Variants in KICS2 observed in about 807,000 individuals in gnomAD.
The protein encoded by KICS2 is KICSTOR complex protein C12orf66.
A neutral mutation model predicts 31.4 loss-of-function variants in KICS2; 13 were observed. The ratio of observed to expected loss-of-function variants is 0.41; its 90% CI spans 0.27 to 0.66. KICS2 has a LOEUF of 0.66. Among genes scored for constraint, KICS2 ranks in the 30% least tolerant of loss-of-function variants. KICS2 has a pLI of 0.28. For synonymous variants in KICS2, 209 were observed against 214.8 expected (o/e 0.97, Z 0.24); for missense variants, 455 against 545.4 (o/e 0.83, Z 1.65).
At chr12:64,190,859 G>A (rs904093629), downstream of KICS2, among the ~76,000 whole-genome samples, 1 of 152,090 alleles carries the variant, frequency 6.6e-6, no homozygotes, top group African/African-American at 2.4e-5. Flanking sequence ...GTTAAGAACT[G>A]GGCTTTATTT....
chr12:64,187,667 G>A, downstream of KICS2: 2 of 1,533,914 alleles, frequency 1.3e-6, no homozygotes, highest in East Asian at 2.4e-5. Context: ...TAGAAAAGTA[G>A]AGAGGGAATT....
intron 1 of KICS2, among the ~76,000 whole-genome samples, chr12:64,220,813 A>G (rs2136710571): frequency 6.6e-6 from 1 of 152,334 alleles, no homozygotes; most frequent in Admixed American, 6.5e-5. Flanking sequence ...TCTACCCAAC[A>G]TAACTGCATA....
downstream of KICS2, among the ~76,000 whole-genome samples, chr12:64,190,725 G>A (rs559254909): frequency 2.6e-5 from 4 of 151,726 alleles, no homozygotes; most frequent in African/African-American, 9.7e-5. Context: ...CTCCAGCCTG[G>A]GCGACAGACC....
intron 2 of KICS2, among the ~76,000 whole-genome samples, chr12:64,205,201 A>AGAGGACAAATCCAT (rs1339532779): frequency 6.6e-6 from 1 of 152,176 alleles, no homozygotes; most frequent in East Asian, 1.9e-4. Flanking sequence ...TTCAAATCCA[A>AGAGGACAAATCCAT]TGCTCTCCTT....
chr12:64,203,698 T>A (rs555541353), intron 2 of KICS2, among the ~76,000 whole-genome samples: 12 of 152,176 alleles, frequency 7.9e-5, no homozygotes, highest in Admixed American at 2.6e-4. Context: ...CTAGAATTTT[T>A]AAAAAAAATC....
Position 64,222,050 on chromosome 12 carries a change from G to A in KICS2, c.188C>T (p.Ala63Val), listed in dbSNP as rs2037688759. 1 of 1,613,486 alleles carries A rather than the reference G, an allele frequency of 6.2e-7. No individual in the cohort carries two copies. Among genetic ancestry groups the A allele is most frequent in the South Asian group, 1.1e-5 (1 of 91,032 alleles). ...GAGGCTGTGATAGACCTTCTCGGCC[G>A]CGGCCAGGTGCGCCAAGGCCGCCAG... The part of the protein sequence containing the change: ...SLLAALAHLA[A>V]AEKVYHSLTY... The change falls in exon 1 of 3, where the codon GCG becomes GTG. Residue 63 changes from alanine (A) to valine (V), a missense_variant. Ala to Val is a moderately conservative substitution (Grantham distance 64, BLOSUM62 0). Transcript: ENST00000398055.
At position 64,205,752 on chromosome 12, in the gene KICS2, G is replaced by T. The variant is rs373468471; in HGVS notation, c.521+9926C>A. 1.1e-3 allele frequency among the ~76,000 whole-genome samples: 53 copies of T among 47,180 alleles called. No individual in the cohort carries two copies. In the South Asian group the frequency reaches 0.019, roughly 17 times the overall value. 31.0% of individuals were successfully genotyped at this position (47,180 alleles called of 152,430 possible). A position where few individuals can be genotyped will look rare whatever the true frequency, so the allele number is the denominator to read the frequency against. Reference sequence around the variant, plus strand: ...AGGAAAAAGGGAAGGAAGGGAGGGAGGGAAAAGGGAAGGAAGGAAAAAGGG... The same window carrying T: ...AGGAAAAAGGGAAGGAAGGGAGGGATGGAAAAGGGAAGGAAGGAAAAAGGG... On this transcript the variant is annotated intron_variant, in intron 2 of 2. Coordinates refer to ENST00000398055, the MANE Select transcript of KICS2 (RefSeq NM_152440.5).
intron 2 of KICS2, among the ~76,000 whole-genome samples, chr12:64,196,047 C>T (rs9705644): frequency 0.22 from 32,921 of 150,496 alleles, 1,544 homozygotes; most frequent in East Asian, 0.37. Context: ...ATTGCCCAGG[C>T]TTGATTAGGT....
intron 2 of KICS2, among the ~76,000 whole-genome samples, chr12:64,208,817 AT>A (rs1372021178): frequency 1.3e-5 from 2 of 152,116 alleles, no homozygotes; most frequent in Non-Finnish European, 2.9e-5. Flanking sequence ...TACCGTAGAG[AT>A]TTTTTTAATG....
At chr12:64,216,052 C>T in intron 1 of KICS2, 89 bp from the exon 2 acceptor site, 2 of 1,242,464 alleles carry the variant, frequency 1.6e-6, no homozygotes, top group Middle Eastern at 2.6e-4. Flanking sequence ...GCAAAGAATC[C>T]AAACCCATTG....
At chr12:64,218,498 T>A (rs1280050319) in intron 1 of KICS2, among the ~76,000 whole-genome samples, 1 of 152,204 alleles carries the variant, frequency 6.6e-6, no homozygotes, top group Non-Finnish European at 1.5e-5. Context: ...TCTATAATAC[T>A]AATTCCTTTC....
Position 64,192,913 on chromosome 12 carries a change from A to C in KICS2, c.*929T>G. ...AGTTGATTTTTAGCAAGTACAGCGT[A>C]TGAAGACCTTCATTTTGATTTTATA... On this transcript the variant is annotated 3_prime_UTR_variant, in exon 3 of 3. Coordinates refer to ENST00000398055, the MANE Select transcript of KICS2 (RefSeq NM_152440.5). 1 of 985,474 alleles carries C rather than the reference A, an allele frequency of 1.0e-6. No individual in the cohort carries two copies. Among genetic ancestry groups the C allele is most frequent in the Non-Finnish European group, 1.2e-6 (1 of 829,940 alleles). 61.0% of individuals were successfully genotyped at this position (985,474 alleles called of 1,614,324 possible).
rs534724764 is a variant in KICS2, at chr12:64,191,246, A to G, written c.*2596T>C. ...TATTGAAGAGCTTCAGAAATAATTTAAGTATCAATATTCAATCTTCAAAAA... is the reference window on the plus strand; with the variant it reads ...TATTGAAGAGCTTCAGAAATAATTTGAGTATCAATATTCAATCTTCAAAAA... On this transcript the variant is annotated 3_prime_UTR_variant, in exon 3 of 3. Coordinates refer to ENST00000398055, the MANE Select transcript of KICS2 (RefSeq NM_152440.5). 2.1e-5 allele frequency: 3 copies of G among 142,710 alleles called. No homozygotes were observed. Among genetic ancestry groups the G allele is most frequent in the East Asian group, 3.9e-4 (2 of 5,194 alleles). 8.8% of individuals were successfully genotyped at this position (142,710 alleles called of 1,614,324 possible). A position where few individuals can be genotyped will look rare whatever the true frequency, so the allele number is the denominator to read the frequency against.
Position 64,193,474 on chromosome 12 carries a change from CAG to C in KICS2, c.*366_*367del, listed in dbSNP as rs991608410. ...ATTACTCTTCCAAGAAGGAGGGAAA[CAG>C]AGAGGCTGTTTGGAATTGCAGTAGA... is the stretch of plus-strand genomic sequence containing the variant. On this transcript the variant is annotated 3_prime_UTR_variant, in exon 3 of 3. Coordinates refer to ENST00000398055, the MANE Select transcript of KICS2 (RefSeq NM_152440.5). The C allele has an allele frequency of 9.9e-7, 1 of 1,011,232 alleles. No individual in the cohort carries two copies. The highest frequency in any genetic ancestry group is 1.2e-6 in the Non-Finnish European group (1 of 847,456). 62.6% of individuals were successfully genotyped at this position (1,011,232 alleles called of 1,614,324 possible).
In KICS2 at chr12:64,192,186, A is replaced by G. The variant is rs2037386074; in HGVS notation, c.*1656T>C. ...TTCACCCAGGCTGGAGTGCAGCTGCACAGTCTCAGCTCACTGCATCCTCCA... is the reference window on the plus strand; with the variant it reads ...TTCACCCAGGCTGGAGTGCAGCTGCGCAGTCTCAGCTCACTGCATCCTCCA... On this transcript the variant is annotated 3_prime_UTR_variant, in exon 3 of 3. Transcript: ENST00000398055. 1 of 149,912 alleles carries G rather than the reference A, an allele frequency of 6.7e-6. No homozygotes were observed. Among genetic ancestry groups the G allele is most frequent in the Admixed American group, 6.7e-5 (1 of 14,932 alleles). 9.3% of individuals were successfully genotyped at this position (149,912 alleles called of 1,614,324 possible).
intron 2 of KICS2, among the ~76,000 whole-genome samples, chr12:64,198,919 T>G (rs1280142573): frequency 1.1e-4 from 16 of 151,454 alleles, no homozygotes; most frequent in Admixed American, 1.1e-3. Flanking sequence ...TTGAATCTCT[T>G]AATAGACCAA....
chr12:64,215,868 G>A lies in KICS2; in HGVS notation c.331C>T (p.Leu111=), dbSNP rs1592389069. The A allele has an allele frequency of 1.2e-6, 2 of 1,613,640 alleles. No homozygotes were observed. The highest frequency in any genetic ancestry group is 2.2e-5 in the East Asian group (1 of 44,878). Residue 111 remains leucine, a synonymous_variant, in exon 2 of 3, where the codon CTG becomes TTG. Transcript: ENST00000398055. ...LKKVVTGRGA[L]GGTAPHVEEL... is the part of the protein sequence containing the mutation. ...TCCACGTGAGGAGCAGTCCCACCCA[G>A]GGCACCACGGCCAGTCACCACCTTC...
At chr12:64,197,031 A>G (rs1592380334) in intron 2 of KICS2, among the ~76,000 whole-genome samples, 2 of 113,706 alleles carry the variant, frequency 1.8e-5, no homozygotes, top group East Asian at 2.7e-4. Context: ...ACTCTGCAGG[A>G]TATTATCCAG....
chr12:64,218,428 G>A (rs1168359461), intron 1 of KICS2, among the ~76,000 whole-genome samples: 2 of 151,982 alleles, frequency 1.3e-5, no homozygotes, highest in Non-Finnish European at 1.5e-5. Flanking sequence ...TGGTGATAGA[G>A]CTAAAAAAAA....
Sources: gnomAD v4.1 joint callset for allele counts (sites outside exome capture counted in the v4.1 genomes callset) on GRCh38, gnomAD v4.1.1 for gene constraint, MANE v1.5 for transcripts, NCBI Gene and HGNC (gene_info 2026-07-23, HGNC 2026-07-21) for gene names.